KIAA0408: variants seen among roughly 807,000 people sequenced by gnomAD.
The protein encoded by KIAA0408 is KIAA0408.
KIAA0408 carries 51 observed loss-of-function variants against 60.9 expected under a neutral mutation model. The observed-to-expected ratio is 0.84, with a 90% CI of 0.67 to 1.06. The LOEUF (loss-of-function observed/expected upper bound fraction) is 1.06. Ranked by LOEUF, KIAA0408 falls within the 50% of genes least tolerant of loss-of-function variation. The pLI, the probability that KIAA0408 is intolerant of heterozygous loss-of-function variation, is 0.00. For missense variants in KIAA0408, 787 were observed against 833.9 expected (o/e 0.94, Z 0.69); for synonymous variants, 304 against 282.4 (o/e 1.08, Z -0.77).
At position 127,450,343 on chromosome 6, in the gene KIAA0408, C is replaced by G; in HGVS notation, c.145G>C (p.Glu49Gln). ...TTGATTTTCCTCCAAAGCTTTACTT[C>G]CCGGCAAAGCTGTAAGAAAAACAAA... ...MQKKIEELCR[E>Q]VKLWRKININ... The change falls in exon 3 of 6, where the codon GAA becomes CAA. Residue 49 changes from glutamate to glutamine, a missense_variant. By Grantham distance (29) the Glu-to-Gln change is conservative. This residue lies in a region of KIAA0408 where 640 missense variants were observed against 681.3 expected (regional missense o/e 0.94). Coordinates refer to ENST00000483725, the MANE Select transcript of KIAA0408 (RefSeq NM_014702.5). 6.3e-7 allele frequency: 1 copy of G among 1,584,380 alleles called. No homozygotes were observed. Among genetic ancestry groups the G allele is most frequent in the Non-Finnish European group, 8.5e-7 (1 of 1,170,750 alleles).
chr6:127,452,789 G>A (rs1477940433), intron 2 of KIAA0408, among the ~76,000 whole-genome samples: 1 of 152,034 alleles, frequency 6.6e-6, no homozygotes, highest in Middle Eastern at 3.2e-3. Flanking sequence ...TCCAATCCGA[G>A]TATGGGTAGA....
Position 127,447,523 on chromosome 6 carries a change from G to A in KIAA0408, c.796C>T (p.Pro266Ser). 6.2e-7 allele frequency: 1 copy of A among 1,610,540 alleles called. No individual in the cohort carries two copies. Among genetic ancestry groups the A allele is most frequent in the Non-Finnish European group, 8.5e-7 (1 of 1,179,110 alleles). ...GAGGTGCTTCTTGGAGGAGGAACTG[G>A]TGGAGTTTCATTTCTTTTTAAATCG... The part of the protein sequence containing the change: ...TIDLKRNETP[P>S]VPPPRSTSRN... The change falls in exon 5 of 6, where the codon CCA becomes TCA. Residue 266 changes from proline to serine, a missense_variant. By Grantham distance (74) the Pro-to-Ser change is moderately conservative. Coordinates refer to ENST00000483725, the MANE Select transcript of KIAA0408 (RefSeq NM_014702.5).
chr6:127,446,904 A>C lies in KIAA0408; in HGVS notation c.1415T>G (p.Leu472Arg), dbSNP rs1171534449. 7 of 1,614,098 alleles carry C rather than the reference A, an allele frequency of 4.3e-6. No homozygotes were observed. The highest frequency in any genetic ancestry group is 5.9e-6 in the Non-Finnish European group (7 of 1,179,998). The part of the protein sequence containing the change: ...NHSCSKSSED[L>R]KPCDTSSTHT... Reference sequence around the variant, plus strand: ...AGTAGATGAGGTATCACAGGGCTTGAGATCCTCCGATGATTTTGAGCAGCT... The same window carrying C: ...AGTAGATGAGGTATCACAGGGCTTGCGATCCTCCGATGATTTTGAGCAGCT... Residue 472 changes from leucine to arginine, a missense_variant, in exon 5 of 6, where the codon CTC becomes CGC. Physicochemically the swap from Leu to Arg is moderately radical, Grantham distance 102. Around this residue, in one of 3 missense-constraint regions of KIAA0408, gnomAD observed 640 missense variants for 681.3 expected, o/e 0.94. Coordinates refer to ENST00000483725, the MANE Select transcript of KIAA0408 (RefSeq NM_014702.5).
At chr6:127,451,420 T>A in intron 2 of KIAA0408, 1 of 411,848 alleles carries the variant, frequency 2.4e-6, no homozygotes, top group South Asian at 1.8e-5. Flanking sequence ...GAATTGATTG[T>A]TTGGTCCCTG....
At chr6:127,457,637 TAA>T (rs969278371) in intron 1 of KIAA0408, among the ~76,000 whole-genome samples, 1 of 152,246 alleles carries the variant, frequency 6.6e-6, no homozygotes, top group Non-Finnish European at 1.5e-5. Context: ...GCCAGAATTA[TAA>T]AGAGTTGTGA....
At chr6:127,455,189 GA>G (rs1357926050) in intron 1 of KIAA0408, among the ~76,000 whole-genome samples, 1 of 152,094 alleles carries the variant, frequency 6.6e-6, no homozygotes, top group Non-Finnish European at 1.5e-5. Flanking sequence ...TAAAATGTTT[GA>G]ATCTCTGTTT....
chr6:127,449,925 C>T (rs369649668), intron 3 of KIAA0408, 24 bp from the exon 4 acceptor site: 27 of 1,613,754 alleles, frequency 1.7e-5, no homozygotes, highest in African/African-American at 5.3e-5. Context: ...AGCAACAGCC[C>T]GTTAGCACTT....
In KIAA0408 at chr6:127,447,630, TC is replaced by T; in HGVS notation, c.688del (p.Glu230LysfsTer9). 1 of 1,612,932 alleles carries T rather than the reference TC, an allele frequency of 6.2e-7. No homozygotes were observed. The highest frequency in any genetic ancestry group is 1.7e-5 in the Admixed American group (1 of 59,842). On this transcript the variant is annotated frameshift_variant, in exon 5 of 6. Coordinates refer to ENST00000483725, the MANE Select transcript of KIAA0408 (RefSeq NM_014702.5). LOFTEE classifies it high-confidence loss of function. ...CAGATTCTTCCTGTTTTTCTGTTTT[TC>T]TTTTTCTAAACTGATTGGAAGAATG... ...QCILPISLEK[E>X]KQKNRKNLSC...
intron 5 of KIAA0408, 126 bp downstream of exon 5, chr6:127,446,282 T>A (rs2114791015): frequency 1.4e-6 from 2 of 1,462,722 alleles, no homozygotes; most frequent in East Asian, 4.6e-5. Flanking sequence ...ACAAACAGGG[T>A]CAAGAGGCTA....
At position 127,450,291 on chromosome 6, in the gene KIAA0408, T is replaced by G. The variant is rs764433807; in HGVS notation, c.197A>C (p.Asp66Ala). 1 of 1,613,554 alleles carries G rather than the reference T, an allele frequency of 6.2e-7. No homozygotes were observed. Residue 66 changes from aspartate to alanine, a missense_variant, in exon 3 of 6, where the codon GAT (aspartate) becomes GCT (alanine). This residue lies in a region of KIAA0408 where 640 missense variants were observed against 681.3 expected (regional missense o/e 0.94). Coordinates refer to ENST00000483725, the MANE Select transcript of KIAA0408 (RefSeq NM_014702.5). ...TGGAATGGTCTTCTCATGGTAAAGA[T>G]CAATGATCTTAGCACTTTCATTGAT... ...ININESAKII[D>A]LYHEKTIPEK...
intron 1 of KIAA0408, among the ~76,000 whole-genome samples, chr6:127,456,006 C>A (rs1583072657): frequency 6.6e-6 from 1 of 152,140 alleles, no homozygotes; most frequent in South Asian, 2.1e-4. Context: ...TCTAACAATT[C>A]TTCATAGGAA....
intron 4 of KIAA0408, among the ~76,000 whole-genome samples, chr6:127,449,186 T>C (rs536355629): frequency 6.6e-6 from 1 of 152,352 alleles, no homozygotes; most frequent in African/African-American, 2.4e-5. Context: ...AGTTGTACAC[T>C]TTCATTGTCC....
Position 127,439,695 on chromosome 6 carries a change from T to C in KIAA0408, c.*4414A>G, listed in dbSNP as rs1055554608. On this transcript the variant is annotated 3_prime_UTR_variant, in exon 6 of 6. Transcript: ENST00000483725. ...AGCTAGGAGTCTGAAGAGCCATCTATTTAACTATCATCTTCAAAAATATTT... is the reference window on the plus strand; with the variant it reads ...AGCTAGGAGTCTGAAGAGCCATCTACTTAACTATCATCTTCAAAAATATTT... The C allele has an allele frequency of 6.6e-6, 1 of 152,180 alleles. No homozygotes were observed. The highest frequency in any genetic ancestry group is 1.5e-5 in the Non-Finnish European group (1 of 68,030). 9.4% of individuals were successfully genotyped at this position (152,180 alleles called of 1,614,324 possible).
At chr6:127,444,387 G>A (rs1773153542) in intron 5 of KIAA0408, 105 bp from the exon 6 acceptor site, 4 of 896,018 alleles carry the variant, frequency 4.5e-6, no homozygotes. Flanking sequence ...AAATTTACAA[G>A]AAAGAAAAAG....
In KIAA0408 at chr6:127,439,268, T is replaced by C. The variant is rs751540076; in HGVS notation, c.*4841A>G. The C allele has an allele frequency of 6.6e-6, 1 of 152,282 alleles. No homozygotes were observed. The highest frequency in any genetic ancestry group is 1.5e-5 in the Non-Finnish European group (1 of 68,082). The allele number at this position is 152,282 out of a possible 1,614,324, so 9.4% of individuals were successfully genotyped here. Reference sequence around the variant, plus strand: ...CTGCTTTTATTTATTCTGGAGTATATGTAACTTATGAAGTGTGAAACTATT... The same window carrying C: ...CTGCTTTTATTTATTCTGGAGTATACGTAACTTATGAAGTGTGAAACTATT... On this transcript the variant is annotated 3_prime_UTR_variant, in exon 6 of 6. Coordinates refer to ENST00000483725, the MANE Select transcript of KIAA0408 (RefSeq NM_014702.5).
chr6:127,456,421 T>C (rs922218481), intron 1 of KIAA0408, among the ~76,000 whole-genome samples: 1 of 152,150 alleles, frequency 6.6e-6, no homozygotes, highest in Non-Finnish European at 1.5e-5. Flanking sequence ...TACCGGAAGA[T>C]CATTCAGGAA....
At chr6:127,447,845 T>A in intron 4 of KIAA0408, 105 bp from the exon 5 acceptor site, 1 of 1,360,112 alleles carries the variant, frequency 7.4e-7, no homozygotes. Flanking sequence ...AGAAAAGGAT[T>A]CACAACTGCC....
At chr6:127,446,292 A>G (rs567618162) in intron 5 of KIAA0408, 116 bp downstream of exon 5, 2 of 1,495,206 alleles carry the variant, frequency 1.3e-6, no homozygotes, top group South Asian at 2.7e-5. Flanking sequence ...TCAAGAGGCT[A>G]AGAAGAGTCC....
At chr6:127,457,045 C>T (rs757291519) in intron 1 of KIAA0408, among the ~76,000 whole-genome samples, 3 of 151,830 alleles carry the variant, frequency 2.0e-5, no homozygotes, top group Admixed American at 6.6e-5. Flanking sequence ...TATTTTAAAA[C>T]GAGATAGAAG....
Sources: allele counts gnomAD v4.1 joint callset (sites outside exome capture counted in the v4.1 genomes callset), GRCh38; gene constraint gnomAD v4.1.1; regional missense constraint gnomAD v4.1.1; transcripts MANE v1.5; gene names NCBI Gene and HGNC (gene_info 2026-07-23, HGNC 2026-07-21).